The following OMA1 variants were observed in gnomAD, a reference collection of about 807,000 sequenced individuals.
The protein encoded by OMA1 is OMA1 zinc metallopeptidase, also known as metalloendopeptidase OMA1, mitochondrial.
OMA1 carries 38 observed loss-of-function variants against 30.9 expected under a neutral mutation model. The observed-to-expected ratio is 1.23, with a 90% confidence interval of 0.95 to 1.61. OMA1 has a LOEUF of 1.61. OMA1 is among the 40% of genes most tolerant of loss of function. The pLI is 0.00. For missense variants in OMA1, 461 were observed against 349.2 expected, an observed-to-expected ratio of 1.32 and a Z score of -2.55; for synonymous variants, 173 against 121.9, an observed-to-expected ratio of 1.42 and a Z score of -2.76.
At chr1:58,494,093 G>A (rs1212862302) in intron 8 of OMA1, among the ~76,000 whole-genome samples, 1 of 152,160 alleles carries the variant, frequency 6.6e-6, no homozygotes, top group Non-Finnish European at 1.5e-5. Flanking sequence ...GAACAGAACA[G>A]AGCCCTCAGA....
At chr1:58,503,398 A>T (rs1029686199) in intron 8 of OMA1, among the ~76,000 whole-genome samples, 16 of 152,152 alleles carry the variant, frequency 1.1e-4, no homozygotes, top group Admixed American at 7.2e-4. Context: ...TAATTACTAC[A>T]TATTATATCA....
chr1:58,503,317 G>A (rs1167887497), intron 8 of OMA1, among the ~76,000 whole-genome samples: 1 of 152,172 alleles, frequency 6.6e-6, no homozygotes. Flanking sequence ...TATAGTCAGT[G>A]ATCCTCAGTA....
chr1:58,490,074 A>C (rs995343621), intron 8 of OMA1, among the ~76,000 whole-genome samples: 1 of 152,250 alleles, frequency 6.6e-6, no homozygotes, highest in African/African-American at 2.4e-5. Flanking sequence ...CACCAGCAAC[A>C]GAACAAAGCT....
chr1:58,524,194 A>T (rs1370341412), intron 7 of OMA1, among the ~76,000 whole-genome samples: 1 of 152,138 alleles, frequency 6.6e-6, no homozygotes, highest in Non-Finnish European at 1.5e-5. Context: ...CCTTTATGGC[A>T]TTATCTTTTT....
rs1208063635 is a variant in OMA1, at chr1:58,494,644, T to C, written c.1365+11416A>G. On this transcript the variant is annotated intron_variant, in intron 8 of 8. Transcript: ENST00000371226. ...GACACTTCTCAAAAGAAGACATTTATGCAGCCAAAAGACACATGAAAAAAT... is the reference window on the plus strand; with the variant it reads ...GACACTTCTCAAAAGAAGACATTTACGCAGCCAAAAGACACATGAAAAAAT... Among the ~76,000 whole-genome samples the C allele has an allele frequency of 2.3e-3, 353 of 152,168 alleles. 2 individuals carry two copies. Among genetic ancestry groups the C allele is most frequent in the African/African-American group, 7.9e-3 (327 of 41,504 alleles).
At chr1:58,521,423 A>G (rs111483917) in intron 7 of OMA1, among the ~76,000 whole-genome samples, 4,074 of 152,108 alleles carry the variant, frequency 0.027, 175 homozygotes, top group African/African-American at 0.092. Context: ...GCAGAATAAA[A>G]TAATGAAAAA....
intron 8 of OMA1, among the ~76,000 whole-genome samples, chr1:58,505,172 G>C (rs1037664229): frequency 6.6e-6 from 1 of 152,028 alleles, no homozygotes; most frequent in African/African-American, 2.4e-5. Context: ...GGCTGGTCTC[G>C]AACTCCTGAC....
At chr1:58,485,260 G>T (rs1645558211) in intron 8 of OMA1, among the ~76,000 whole-genome samples, 3 of 127,034 alleles carry the variant, frequency 2.4e-5, no homozygotes, top group South Asian at 2.6e-4. Context: ...AAAAAAAGCT[G>T]GCCTGGAAGT....
chr1:58,481,307 T>A (rs1004792389), intron 8 of OMA1, 133 bp from the exon 9 acceptor site: 3 of 399,648 alleles, frequency 7.5e-6, no homozygotes, highest in African/African-American at 6.2e-5. Context: ...GGTATCTTGA[T>A]TATAACACAT....
At chr1:58,497,817 G>A (rs904105128) in intron 8 of OMA1, among the ~76,000 whole-genome samples, 4 of 152,044 alleles carry the variant, frequency 2.6e-5, no homozygotes, top group African/African-American at 9.7e-5. Flanking sequence ...ACAACGTGGC[G>A]GCTTTCCCTG....
At chr1:58,496,169 C>CTTTTTTTTTTTTTTTT (rs375006213) in intron 8 of OMA1, among the ~76,000 whole-genome samples, 1 of 144,928 alleles carries the variant, frequency 6.9e-6, no homozygotes, top group East Asian at 2.1e-4. Flanking sequence ...TTTTTTTAGA[C>CTTTTTTTTTTTTTTTT]TTTTTTTTTT....
rs941351073 is a variant in OMA1 at position 58,539,400 on chromosome 1, G to A, written c.-16-90C>T. ...CACTTATTAAATAGGCGTGTCAGTT[G>A]TTCTTCTAACACATCTCAGGCTAAA... On this transcript the variant is annotated intron_variant, in intron 1 of 8. Coordinates refer to ENST00000371226, the MANE Select transcript of OMA1 (RefSeq NM_145243.5). 10 of 653,462 alleles carry A rather than the reference G, an allele frequency of 1.5e-5. No homozygotes were observed. The African/African-American group carries it at 1.8e-4, about 12-fold the overall frequency. 40.5% of individuals were successfully genotyped at this position (653,462 alleles called of 1,614,324 possible). A position where few individuals can be genotyped will look rare whatever the true frequency, so the allele number is the denominator to read the frequency against.
intron 8 of OMA1, among the ~76,000 whole-genome samples, chr1:58,498,367 A>G (rs1332215425): frequency 1.3e-5 from 2 of 152,114 alleles, no homozygotes; most frequent in Non-Finnish European, 2.9e-5. Flanking sequence ...TTTAAATTTT[A>G]AATATTTCTC....
At position 58,481,186 on chromosome 1, in the gene OMA1, T is replaced by A. The variant is rs1557434195; in HGVS notation, c.1366-12A>T. The A allele has an allele frequency of 3.8e-6, 3 of 779,494 alleles. No homozygotes were observed. Among genetic ancestry groups the A allele is most frequent in the Admixed American group, 2.1e-5 (1 of 47,268 alleles). The allele number at this position is 779,494 out of a possible 1,614,324, so 48.3% of individuals were successfully genotyped here. A position where few individuals can be genotyped will look rare whatever the true frequency, so the allele number is the denominator to read the frequency against. On this transcript the variant is annotated splice_polypyrimidine_tract_variant and intron_variant, in intron 8 of 8. Transcript: ENST00000371226. ...CTAATTTTGAGAGCCTATAAAGAAA[T>A]AATAAAATAAAAAAATACTATATAT...
chr1:58,499,326 A>G (rs1348561724), intron 8 of OMA1, among the ~76,000 whole-genome samples: 1 of 150,958 alleles, frequency 6.6e-6, no homozygotes, highest in Non-Finnish European at 1.5e-5. Context: ...AAAAAAAAAA[A>G]AAAAAAAAAA....
chr1:58,490,682 C>A (rs1645665634), intron 8 of OMA1, among the ~76,000 whole-genome samples: 1 of 150,798 alleles, frequency 6.6e-6, no homozygotes, highest in Non-Finnish European at 1.5e-5. Context: ...ATGTTAAGGG[C>A]AGCTAGAGAG....
chr1:58,499,967 G>GA (rs890548462), intron 8 of OMA1, among the ~76,000 whole-genome samples: 9 of 151,712 alleles, frequency 5.9e-5, no homozygotes, highest in Admixed American at 2.0e-4. Flanking sequence ...AAAAAAAGAA[G>GA]AAAAAAATGG....
chr1:58,500,271 G>T (rs1469084086), intron 8 of OMA1, among the ~76,000 whole-genome samples: 1 of 152,110 alleles, frequency 6.6e-6, no homozygotes, highest in Non-Finnish European at 1.5e-5. Context: ...TACAGCAGCT[G>T]CTATGATATT....
At chr1:58,485,984 G>C (rs1417164839) in intron 8 of OMA1, among the ~76,000 whole-genome samples, 3 of 152,194 alleles carry the variant, frequency 2.0e-5, no homozygotes, top group South Asian at 2.1e-4. Context: ...AGGAAGATTT[G>C]AAGTTAAATA....
Sources: allele counts gnomAD v4.1 joint callset (sites outside exome capture counted in the v4.1 genomes callset), GRCh38; gene constraint gnomAD v4.1.1; transcripts MANE v1.5; gene names NCBI Gene and HGNC (gene_info 2026-07-23, HGNC 2026-07-21).